The following GUCY1A1 variants were observed in gnomAD, a reference collection of about 807,000 sequenced individuals.
GUCY1A1 encodes the protein guanylate cyclase 1 soluble subunit alpha 1.
In GUCY1A1, 48 loss-of-function variants were observed where a neutral mutation model predicts 64.5. The observed-to-expected ratio is 0.74, with a 90% CI of 0.59 to 0.95. The LOEUF (loss-of-function observed/expected upper bound fraction) is 0.95, where lower values mean the gene tolerates loss of function less well. GUCY1A1 is among the 40% of genes least tolerant of loss of function. The pLI is 0.00. For missense variants in GUCY1A1, 804 were observed against 825.3 expected (o/e 0.97, Z 0.32); for synonymous variants, 308 against 303.4 (o/e 1.02, Z -0.16).
At chr4:155,687,946 G>T (rs1048194034) in intron 2 of GUCY1A1, among the ~76,000 whole-genome samples, 43 of 152,038 alleles carry the variant, frequency 2.8e-4, no homozygotes. Context: ...TTACAGGGCC[G>T]GGTGCGGTGG....
intron 2 of GUCY1A1, among the ~76,000 whole-genome samples, chr4:155,695,079 A>G (rs985358064): frequency 6.6e-6 from 1 of 152,198 alleles, no homozygotes. Flanking sequence ...GAAGTTCCAT[A>G]AATTATATAT....
intron 2 of GUCY1A1, among the ~76,000 whole-genome samples, chr4:155,668,910 CTAAAA>C (rs1196667651): frequency 6.6e-6 from 1 of 152,068 alleles, no homozygotes; most frequent in South Asian, 2.1e-4. Flanking sequence ...CGTGAAGTCC[CTAAAA>C]TTGTATTTAA....
chr4:155,720,181 T>C (rs1184702859), intron 8 of GUCY1A1, among the ~76,000 whole-genome samples: 1 of 152,098 alleles, frequency 6.6e-6, no homozygotes, highest in African/African-American at 2.4e-5. Flanking sequence ...TGAAACAAGA[T>C]AAAAATGCTA....
intron 9 of GUCY1A1, chr4:155,722,482 G>A: frequency 8.7e-7 from 1 of 1,148,964 alleles, no homozygotes; most frequent in Non-Finnish European, 1.1e-6. Context: ...TTAGTATGTT[G>A]ATAGGTGTTC....
intron 8 of GUCY1A1, among the ~76,000 whole-genome samples, chr4:155,719,930 C>T (rs961381809): frequency 5.9e-5 from 9 of 152,116 alleles, no homozygotes; most frequent in Admixed American, 4.6e-4. Context: ...TTCATTATTT[C>T]ACAGGGAAGT....
At chr4:155,711,583 G>A (rs1314411517) in intron 6 of GUCY1A1, among the ~76,000 whole-genome samples, 1 of 152,064 alleles carries the variant, frequency 6.6e-6, no homozygotes, top group Non-Finnish European at 1.5e-5. Flanking sequence ...AAGAGGTATT[G>A]TTTTACAACA....
chr4:155,713,846 G>C (rs745460785), intron 7 of GUCY1A1, among the ~76,000 whole-genome samples: 1 of 152,152 alleles, frequency 6.6e-6, no homozygotes, highest in East Asian at 1.9e-4. Flanking sequence ...AATGGAGGGA[G>C]GATAGGGTGC....
intron 2 of GUCY1A1, among the ~76,000 whole-genome samples, chr4:155,674,448 T>C (rs1408647250): frequency 6.6e-6 from 1 of 150,734 alleles, no homozygotes; most frequent in Admixed American, 6.6e-5. Flanking sequence ...TGGAGAGTAC[T>C]TGTAAAAAAA....
At chr4:155,681,178 G>A (rs879759865) in intron 2 of GUCY1A1, among the ~76,000 whole-genome samples, 7 of 151,966 alleles carry the variant, frequency 4.6e-5, no homozygotes, top group Middle Eastern at 3.4e-3. Flanking sequence ...GCTTTCTGAT[G>A]GGTTAAAAAA....
Position 155,734,719 on chromosome 4 carries a change from G to A in GUCY1A1, c.*4488G>A, listed in dbSNP as rs965924608. 1 of 151,980 alleles carries A rather than the reference G, an allele frequency of 6.6e-6. No homozygotes were observed. The allele number at this position is 151,980 out of a possible 1,614,324, so 9.4% of individuals were successfully genotyped here. ...TCCAAAACAGAAATTCAGTGCTGCAGAGACGGTAGCAAAGTGCAGTTCTCT... is the reference window on the plus strand; with the variant it reads ...TCCAAAACAGAAATTCAGTGCTGCAAAGACGGTAGCAAAGTGCAGTTCTCT... On this transcript the variant is annotated 3_prime_UTR_variant, in exon 10 of 10. Coordinates refer to ENST00000506455, the MANE Select transcript of GUCY1A1 (RefSeq NM_001130682.3).
chr4:155,703,800 A>G, intron 3 of GUCY1A1, 132 bp from the exon 4 acceptor site: 1 of 625,874 alleles, frequency 1.6e-6, no homozygotes, highest in Non-Finnish European at 2.8e-6. Context: ...AATTCATAAC[A>G]TTTATCATTC....
chr4:155,711,267 T>C lies in GUCY1A1; in HGVS notation c.1086+16T>C, dbSNP rs1732538715. The C allele has an allele frequency of 7.7e-7, 1 of 1,294,370 alleles. No individual in the cohort carries two copies. The highest frequency in any genetic ancestry group is 1.5e-5 in the African/African-American group (1 of 68,522). The allele number at this position is 1,294,370 out of a possible 1,614,324, so 80.2% of individuals were successfully genotyped here. On this transcript the variant is annotated intron_variant, in intron 6 of 9. Transcript: ENST00000506455. ...ATCTTCAAGGGTAAGGAAAACATAA[T>C]ACTATCTTGAATATGAAAGCTATTT...
intron 2 of GUCY1A1, among the ~76,000 whole-genome samples, chr4:155,674,946 G>A (rs1253246372): frequency 2.0e-5 from 3 of 151,616 alleles, no homozygotes; most frequent in Admixed American, 2.0e-4. Flanking sequence ...AGCACAGTAG[G>A]TTTGCCTGCA....
chr4:155,696,548 A>G (rs910509782), intron 2 of GUCY1A1, among the ~76,000 whole-genome samples: 11 of 152,246 alleles, frequency 7.2e-5, no homozygotes, highest in African/African-American at 2.7e-4. Flanking sequence ...AAATAGTAAG[A>G]GGAAGTATTT....
At chr4:155,728,562 A>G (rs1168835257) in intron 9 of GUCY1A1, among the ~76,000 whole-genome samples, 1 of 151,910 alleles carries the variant, frequency 6.6e-6, no homozygotes, top group Non-Finnish European at 1.5e-5. Context: ...TAAAAATGGT[A>G]TTCCCAGACC....
At position 155,710,941 on chromosome 4, in the gene GUCY1A1, T is replaced by C. The variant is rs575147695; in HGVS notation, c.776T>C (p.Met259Thr). 3 of 1,613,838 alleles carry C rather than the reference T, an allele frequency of 1.9e-6. No homozygotes were observed. In the East Asian group the frequency reaches 6.7e-5, roughly 36 times the overall value. The part of the protein sequence containing the change: ...NQPYLLYSVH[M>T]KSTKPSLSPS... ...CCCTACTTGTTGTACTCCGTTCACA[T>C]GAAAAGCACCAAGCCATCCCTGTCC... is the stretch of plus-strand genomic sequence containing the variant. The change falls in exon 6 of 10, where the codon ATG (methionine) becomes ACG (threonine). Residue 259 changes from methionine (M) to threonine (T), a missense_variant. Transcript: ENST00000506455.
chr4:155,675,853 G>C (rs2170648), intron 2 of GUCY1A1, among the ~76,000 whole-genome samples: 31,619 of 151,282 alleles, frequency 0.21, 3,988 homozygotes, highest in Non-Finnish European at 0.23. Flanking sequence ...ACCTAGACTG[G>C]TTACCACCTA....
chr4:155,721,369 A>G (rs1733937940), intron 8 of GUCY1A1, among the ~76,000 whole-genome samples: 1 of 152,158 alleles, frequency 6.6e-6, no homozygotes, highest in South Asian at 2.1e-4. Context: ...ACTGCCTCTT[A>G]TATCTAGGCA....
intron 5 of GUCY1A1, among the ~76,000 whole-genome samples, chr4:155,710,046 G>A (rs556773148): frequency 6.6e-6 from 1 of 152,102 alleles, no homozygotes; most frequent in Non-Finnish European, 1.5e-5. Context: ...ACAAGAATGC[G>A]ATTTGATTCA....
Sources: allele counts gnomAD v4.1 joint callset (sites outside exome capture counted in the v4.1 genomes callset), GRCh38; gene constraint gnomAD v4.1.1; transcripts MANE v1.5; gene names NCBI Gene and HGNC (gene_info 2026-07-23, HGNC 2026-07-21).